The following BCL2L14 variants were observed in gnomAD, a reference collection of about 807,000 sequenced individuals.
BCL2L14 encodes the protein apoptosis facilitator Bcl-2-like protein 14.
Under a neutral mutation model 35.3 loss-of-function variants are expected in BCL2L14, and 27 were observed. The observed-to-expected ratio is 0.76, with a 90% CI of 0.56 to 1.05. BCL2L14 has a LOEUF of 1.05. Ranked by LOEUF, BCL2L14 falls within the 50% of genes least tolerant of loss-of-function variation. BCL2L14 has a pLI of 0.00. For synonymous variants in BCL2L14, 139 were observed against 145.9 expected (o/e 0.95, Z 0.34); for missense variants, 377 against 382.6 (o/e 0.99, Z 0.12).
At chr12:12,086,993 T>G (rs1949059790) in intron 2 of BCL2L14, among the ~76,000 whole-genome samples, 1 of 152,032 alleles carries the variant, frequency 6.6e-6, no homozygotes, top group Non-Finnish European at 1.5e-5. Flanking sequence ...GGCCAATTGT[T>G]TCAAGGTGAC....
intron 1 of BCL2L14, chr12:12,071,955 G>A (rs1236331427): frequency 6.5e-6 from 1 of 152,718 alleles, no homozygotes; most frequent in African/African-American, 2.4e-5. Context: ...GAACCAAGCT[G>A]AGCTTAGGAT....
chr12:12,062,590 C>T, intron 2 of BCL2L14, among the ~76,000 whole-genome samples: 1 of 151,928 alleles, frequency 6.6e-6, no homozygotes, highest in Admixed American at 6.6e-5. Flanking sequence ...GATTTACCCC[C>T]ACCCAGGACT....
In BCL2L14 at chr12:12,099,185, T is replaced by C. The variant is rs950453640; in HGVS notation, c.*197T>C. 3.6e-6 allele frequency: 2 copies of C among 562,398 alleles called. No individual in the cohort carries two copies. Among genetic ancestry groups the C allele is most frequent in the African/African-American group, 1.9e-5 (1 of 52,876 alleles). The allele number at this position is 562,398 out of a possible 1,614,324, so 34.8% of individuals were successfully genotyped here. A position where few individuals can be genotyped will look rare whatever the true frequency, so the allele number is the denominator to read the frequency against. On this transcript the variant is annotated 3_prime_UTR_variant, in exon 6 of 6. Transcript: ENST00000308721. Reference sequence around the variant, plus strand: ...CTCATAAAATGTAGCAGCATCATCCTTGACAGTGATGTTTTTCAGGCCCTC... The same window carrying C: ...CTCATAAAATGTAGCAGCATCATCCCTGACAGTGATGTTTTTCAGGCCCTC...
In BCL2L14 at chr12:12,058,801, A is replaced by G. The variant is rs569510015; in HGVS notation, c.-272+6954A>G. On this transcript the variant is annotated intron_variant, in intron 2 of 3. Transcript: ENST00000461264. ...CGCATGAAATTTGGTGCCATGACTC[A>G]GATGGGGGACCTCCCTTGGGAGATC... is the stretch of plus-strand genomic sequence containing the variant. Among the ~76,000 whole-genome samples, 6 of 152,342 alleles carry G rather than the reference A, an allele frequency of 3.9e-5. No homozygotes were observed. In the East Asian group the frequency reaches 7.7e-4, roughly 20 times the overall value.
At chr12:12,065,944 C>T (rs1460604187), upstream of BCL2L14, among the ~76,000 whole-genome samples, 1 of 152,152 alleles carries the variant, frequency 6.6e-6, no homozygotes, top group Admixed American at 6.5e-5. Context: ...GCACCCACCA[C>T]CATGCCCAGC....
chr12:12,071,732 T>G (rs1159784158), intron 1 of BCL2L14: 1 of 152,216 alleles, frequency 6.6e-6, no homozygotes, highest in African/African-American at 2.4e-5. Context: ...TCCCCTTCTT[T>G]CCACAATCAG....
intron 2 of BCL2L14, among the ~76,000 whole-genome samples, chr12:12,053,934 C>A (rs9783457): frequency 0.8 from 122,209 of 151,926 alleles, 49,299 homozygotes; most frequent in East Asian, 0.98. Context: ...GAACCCTATA[C>A]AATTCTAGGT....
chr12:12,058,818 T>C (rs1948473801), intron 2 of BCL2L14, among the ~76,000 whole-genome samples: 1 of 152,202 alleles, frequency 6.6e-6, no homozygotes, highest in Non-Finnish European at 1.5e-5. Flanking sequence ...GGACCTCCCT[T>C]GGGAGATCAA....
intron 1 of BCL2L14, among the ~76,000 whole-genome samples, chr12:12,073,161 C>T (rs1948704404): frequency 6.6e-6 from 1 of 152,206 alleles, no homozygotes. Context: ...AGGCGTGAGC[C>T]ACTGGGTCCG....
At chr12:12,098,513 G>T (rs1190939422) in intron 5 of BCL2L14, among the ~76,000 whole-genome samples, 4 of 152,080 alleles carry the variant, frequency 2.6e-5, no homozygotes, top group Non-Finnish European at 5.9e-5. Flanking sequence ...TACAAGGCAT[G>T]CCAAACAAGC....
intron 2 of BCL2L14, among the ~76,000 whole-genome samples, chr12:12,057,124 T>C (rs1948444817): frequency 6.6e-6 from 1 of 152,140 alleles, no homozygotes; most frequent in African/African-American, 2.4e-5. Flanking sequence ...TATAGTCAGA[T>C]AAGAAATACC....
At chr12:12,062,049 C>T (rs1948533726) in intron 2 of BCL2L14, among the ~76,000 whole-genome samples, 1 of 152,072 alleles carries the variant, frequency 6.6e-6, no homozygotes, top group Non-Finnish European at 1.5e-5. Flanking sequence ...TGCTGCCGCC[C>T]TAATACTTTT....
chr12:12,073,469 T>TC (rs994613217), intron 1 of BCL2L14, among the ~76,000 whole-genome samples: 5 of 152,164 alleles, frequency 3.3e-5, no homozygotes, highest in Non-Finnish European at 7.3e-5. Context: ...TTCAGTGGTT[T>TC]CCCCGATTTC....
At chr12:12,059,232 G>A (rs1454982163) in intron 2 of BCL2L14, among the ~76,000 whole-genome samples, 1 of 151,784 alleles carries the variant, frequency 6.6e-6, no homozygotes, top group Non-Finnish European at 1.5e-5. Context: ...ACCCTTAGCG[G>A]CAAGTCCCGC....
chr12:12,070,415 T>C (rs994373944), upstream of BCL2L14, among the ~76,000 whole-genome samples: 1 of 152,216 alleles, frequency 6.6e-6, no homozygotes, highest in Non-Finnish European at 1.5e-5. Flanking sequence ...CCGGGCGCAG[T>C]GGCTTACGCC....
intron 5 of BCL2L14, among the ~76,000 whole-genome samples, chr12:12,096,432 T>TG (rs141980225): frequency 5.2e-5 from 3 of 57,380 alleles, no homozygotes; most frequent in Admixed American, 1.6e-4. Context: ...ACCAAGAATG[T>TG]GAAAAAAAAA....
At chr12:12,070,407 G>A (rs556173499), upstream of BCL2L14, among the ~76,000 whole-genome samples, 89 of 152,264 alleles carry the variant, frequency 5.8e-4, no homozygotes, top group African/African-American at 1.8e-3. Context: ...TATGTTGGCC[G>A]GGCGCAGTGG....
intron 2 of BCL2L14, among the ~76,000 whole-genome samples, chr12:12,064,067 T>C (rs979750651): frequency 4.7e-4 from 72 of 152,180 alleles, no homozygotes; most frequent in African/African-American, 1.6e-3. Context: ...CACATGGACA[T>C]GCATGAAACT....
At chr12:12,082,555 A>T (rs1948950679) in intron 2 of BCL2L14, among the ~76,000 whole-genome samples, 1 of 152,178 alleles carries the variant, frequency 6.6e-6, no homozygotes, top group Admixed American at 6.5e-5. Flanking sequence ...GTGTCATTTG[A>T]CATTTTTTTT....
Sources: gnomAD v4.1 joint callset for allele counts (sites outside exome capture counted in the v4.1 genomes callset) on GRCh38, gnomAD v4.1.1 for gene constraint, MANE v1.5 for transcripts, NCBI Gene and HGNC (gene_info 2026-07-23, HGNC 2026-07-21) for gene names.